CUBN: variants seen among roughly 807,000 people sequenced by gnomAD.
CUBN encodes the protein cubilin.
Under a neutral mutation model 405.3 loss-of-function variants are expected in CUBN, and 282 were observed. The observed-to-expected ratio is 0.70, with a 90% CI of 0.63 to 0.77. The LOEUF is 0.77. CUBN is among the 30% of genes least tolerant of loss of function. The pLI is 0.00. For missense variants in CUBN, 4,514 were observed against 4,475.2 expected (o/e 1.01, Z -0.25); for synonymous variants, 1,684 against 1,617.0 (o/e 1.04, Z -0.99).
intron 8 of CUBN, among the ~76,000 whole-genome samples, chr10:17,112,432 T>C (rs951085334): frequency 6.6e-6 from 1 of 152,106 alleles, no homozygotes; most frequent in South Asian, 2.1e-4. Context: ...ACCATATATT[T>C]CAGGAAAAAT....
chr10:17,044,731 A>G (rs956243461), intron 25 of CUBN, among the ~76,000 whole-genome samples: 1 of 152,216 alleles, frequency 6.6e-6, no homozygotes, highest in African/African-American at 2.4e-5. Context: ...AACATAAATA[A>G]TGATTATAAT....
At position 16,901,613 on chromosome 10, in the gene CUBN, G is replaced by A. The variant is rs75022614; in HGVS notation, c.8063-154C>T. Among the ~76,000 whole-genome samples the A allele has an allele frequency of 1.2e-3, 189 of 152,180 alleles. 1 individual carries two copies. Among genetic ancestry groups the A allele is most frequent in the South Asian group, 5.0e-3 (24 of 4,812 alleles). ...TCACGCCAGTAATACCAGCACTTTG[G>A]GAGGCCGAAGTGGGCAAATCACCCG... On this transcript the variant is annotated intron_variant, in intron 51 of 66. Coordinates refer to ENST00000377833, the MANE Select transcript of CUBN (RefSeq NM_001081.4).
intron 14 of CUBN, among the ~76,000 whole-genome samples, chr10:17,097,375 T>C (rs1836398498): frequency 6.6e-6 from 1 of 152,112 alleles, no homozygotes. Context: ...AAACTCTGAA[T>C]AGATCTATAT....
At chr10:16,925,489 T>C in intron 42 of CUBN, 65 bp from the exon 43 acceptor site, 1 of 1,605,346 alleles carries the variant, frequency 6.2e-7, no homozygotes, top group Non-Finnish European at 8.5e-7. Context: ...ACGCAATTCT[T>C]ATCCATTTAT....
intron 32 of CUBN, among the ~76,000 whole-genome samples, chr10:16,953,099 G>T (rs962620440): frequency 6.6e-6 from 1 of 152,182 alleles, no homozygotes; most frequent in Non-Finnish European, 1.5e-5. Flanking sequence ...AGGCCAGGTG[G>T]AGACGGGACA....
chr10:17,051,336 G>A (rs927032142), intron 22 of CUBN, among the ~76,000 whole-genome samples: 3 of 152,048 alleles, frequency 2.0e-5, no homozygotes, highest in African/African-American at 7.2e-5. Context: ...ACTCCAGCCT[G>A]GCGACAGAGT....
At chr10:16,985,611 CT>C (rs1248309284) in intron 29 of CUBN, among the ~76,000 whole-genome samples, 8 of 152,212 alleles carry the variant, frequency 5.3e-5, no homozygotes, top group Non-Finnish European at 1.2e-4. Flanking sequence ...CCCATGAGGG[CT>C]TTGAGAGTCA....
At chr10:17,034,864 C>A (rs1834861757) in intron 27 of CUBN, among the ~76,000 whole-genome samples, 1 of 152,074 alleles carries the variant, frequency 6.6e-6, no homozygotes, top group East Asian at 1.9e-4. Context: ...TTGTTGAATT[C>A]TTTATATGCT....
chr10:17,057,083 G>A (rs547813478), intron 22 of CUBN, among the ~76,000 whole-genome samples: 32 of 152,212 alleles, frequency 2.1e-4, no homozygotes, highest in Middle Eastern at 6.8e-3. Flanking sequence ...TGCAAGGCAG[G>A]CAAGCCCCCA....
chr10:17,009,881 C>T (rs898927868), intron 28 of CUBN, among the ~76,000 whole-genome samples: 1 of 152,234 alleles, frequency 6.6e-6, no homozygotes, highest in African/African-American at 2.4e-5. Context: ...TATTATCCTA[C>T]TGTCATTAAA....
At chr10:17,017,560 A>C (rs562403711) in intron 28 of CUBN, among the ~76,000 whole-genome samples, 7 of 152,294 alleles carry the variant, frequency 4.6e-5, no homozygotes, top group Admixed American at 3.3e-4. Flanking sequence ...TTTTGTCCTC[A>C]CTTATATGAA....
intron 43 of CUBN, among the ~76,000 whole-genome samples, chr10:16,923,315 CTCAA>C (rs1321771145): frequency 6.6e-6 from 1 of 152,128 alleles, no homozygotes; most frequent in Non-Finnish European, 1.5e-5. Flanking sequence ...TCCTAGAAAT[CTCAA>C]TCAACCATAG....
At chr10:16,901,179 G>A (rs912909368) in intron 52 of CUBN, among the ~76,000 whole-genome samples, 159 bp downstream of exon 52, 20 of 152,312 alleles carry the variant, frequency 1.3e-4, no homozygotes, top group African/African-American at 3.8e-4. Flanking sequence ...GCCAATGTAT[G>A]TGCTCTAGTG....
chr10:16,890,900 G>C (rs375818186), intron 54 of CUBN, among the ~76,000 whole-genome samples: 1 of 152,166 alleles, frequency 6.6e-6, no homozygotes, highest in Non-Finnish European at 1.5e-5. Context: ...CCTGCTCCTG[G>C]GAAGATAGCA....
At chr10:16,912,875 C>A (rs1404951542) in intron 48 of CUBN, among the ~76,000 whole-genome samples, 5 of 152,138 alleles carry the variant, frequency 3.3e-5, no homozygotes, top group Admixed American at 2.6e-4. Flanking sequence ...TCAAAGGCAG[C>A]AACATGATCC....
intron 28 of CUBN, among the ~76,000 whole-genome samples, chr10:17,003,571 A>C (rs556608180): frequency 6.6e-6 from 1 of 152,220 alleles, no homozygotes; most frequent in Non-Finnish European, 1.5e-5. Context: ...CAATAACAAA[A>C]AAGAGCCCTA....
intron 53 of CUBN, 81 bp downstream of exon 53, chr10:16,900,544 G>T (rs1195543194): frequency 9.1e-7 from 1 of 1,096,010 alleles, no homozygotes. Context: ...CTGATGTAAA[G>T]TAGGTACAAA....
rs543440699 is a variant in CUBN, at chr10:16,879,040, T to A, written c.8906-1943A>T. Among the ~76,000 whole-genome samples, 3 of 152,364 alleles carry A rather than the reference T, an allele frequency of 2.0e-5. No individual in the cohort carries two copies. In the East Asian group the frequency reaches 5.8e-4, roughly 29 times the overall value. On this transcript the variant is annotated intron_variant, in intron 56 of 66. Transcript: ENST00000377833. ...GCTATGAACATTCATGCATGAGATTTTGTGTGGGCACATGCTTTCAGTTCC... is the reference window on the plus strand; with the variant it reads ...GCTATGAACATTCATGCATGAGATTATGTGTGGGCACATGCTTTCAGTTCC...
chr10:16,927,669 G>T (rs1842229529), intron 41 of CUBN, among the ~76,000 whole-genome samples: 2 of 152,130 alleles, frequency 1.3e-5, no homozygotes. Flanking sequence ...GTGCATGATG[G>T]TATCCCATAT....
Sources: allele counts gnomAD v4.1 joint callset (sites outside exome capture counted in the v4.1 genomes callset), GRCh38; gene constraint gnomAD v4.1.1; transcripts MANE v1.5; gene names NCBI Gene and HGNC (gene_info 2026-07-23, HGNC 2026-07-21).